Variants in EIF3A observed in about 807,000 individuals in gnomAD.
The protein encoded by EIF3A is EIF3, p180 subunit.
EIF3A carries 21 observed loss-of-function variants against 186.6 expected under a neutral mutation model. The observed-to-expected ratio is 0.11, with a 90% CI of 0.08 to 0.16. EIF3A has a LOEUF of 0.16. Among genes scored for constraint, EIF3A ranks in the 10% least tolerant of loss-of-function variants. The pLI is 1.00. For synonymous variants in EIF3A, 563 were observed against 584.3 expected, an observed-to-expected ratio of 0.96 and a Z score of 0.52; for missense variants, 1,306 against 1,796.3, an observed-to-expected ratio of 0.73 and a Z score of 4.93.
At chr10:119,056,693 G>C in intron 14 of EIF3A, 47 bp downstream of exon 14, 1 of 1,247,670 alleles carries the variant, frequency 8.0e-7, no homozygotes, top group Non-Finnish European at 1.2e-6. Context: ...TACTGGCAGA[G>C]GATTTTATTA....
chr10:119,042,184 C>T lies in EIF3A; in HGVS notation c.3336G>A (p.Gly1112=). ...TCCAAGGTCCTCGATCATCATCCAA[C>T]CCTCGCCTGGGACCCCGGTCATCAT... is the stretch of plus-strand genomic sequence containing the variant. The part of the protein sequence containing the change: ...GMDDDRGPRR[G]LDDDRGPWRN... The change falls in exon 19 of 22, where the codon GGG becomes GGA. Residue 1112 remains glycine, a synonymous_variant. Coordinates refer to ENST00000369144, the MANE Select transcript of EIF3A (RefSeq NM_003750.4). This position sits in a 1 kb window ranked among gnomAD's most constrained non-coding sequence, Gnocchi z 7.8. The T allele has an allele frequency of 6.2e-7, 1 of 1,613,322 alleles. No individual in the cohort carries two copies. The highest frequency in any genetic ancestry group is 8.5e-7 in the Non-Finnish European group (1 of 1,179,770).
chr10:119,061,012 C>G (rs35471297), intron 8 of EIF3A, 168 bp from the exon 9 acceptor site: 1 of 595,606 alleles, frequency 1.7e-6, no homozygotes, highest in Non-Finnish European at 2.9e-6. Flanking sequence ...GCAGCAATGG[C>G]TAAATTAGTC....
chr10:119,064,452 C>G (rs1843938978), intron 7 of EIF3A, among the ~76,000 whole-genome samples: 1 of 152,126 alleles, frequency 6.6e-6, no homozygotes, highest in African/African-American at 2.4e-5. Context: ...TTAGCACCAT[C>G]CCCGTAGGCC....
intron 6 of EIF3A, 89 bp from the exon 7 acceptor site, chr10:119,065,659 G>T: frequency 1.1e-6 from 1 of 915,348 alleles, no homozygotes; most frequent in Non-Finnish European, 1.7e-6. Context: ...ACGGTAAGGC[G>T]TGCTAGTGAC....
Position 119,042,136 on chromosome 10 carries a change from A to C in EIF3A, c.3384T>G (p.Ile1128Met), listed in dbSNP as rs1188622119. The change falls in exon 19 of 22, where the codon ATT becomes ATG. Residue 1128 changes from isoleucine (I) to methionine (M), a missense_variant. Physicochemically the swap from Ile to Met is conservative, Grantham distance 10. Coordinates refer to ENST00000369144, the MANE Select transcript of EIF3A (RefSeq NM_003750.4). This position sits in a 1 kb window ranked among gnomAD's most constrained non-coding sequence, Gnocchi z 7.8. ...GPWRNADDDR[I>M]PRRGAEDDRG... Reference sequence around the variant, plus strand: ...TGTCATCCTCTGCACCACGCCTGGGAATTCTGTCATCATCGGCGTTCCTCC... The same window carrying C: ...TGTCATCCTCTGCACCACGCCTGGGCATTCTGTCATCATCGGCGTTCCTCC... 6.2e-7 allele frequency: 1 copy of C among 1,614,054 alleles called. No homozygotes were observed. The highest frequency in any genetic ancestry group is 1.3e-5 in the African/African-American group (1 of 74,994).
At chr10:119,050,073 G>A (rs1848335995) in intron 16 of EIF3A, 88 bp from the exon 17 acceptor site, 2 of 1,247,452 alleles carry the variant, frequency 1.6e-6, no homozygotes, top group African/African-American at 3.0e-5. Flanking sequence ...TAAACAGGTA[G>A]CATAATGTAC....
In EIF3A at chr10:119,038,365, G is replaced by A. The variant is rs773874233; in HGVS notation, c.3601C>T (p.Arg1201Cys). The A allele has an allele frequency of 3.2e-5, 51 of 1,613,626 alleles. No individual in the cohort carries two copies. The highest frequency in any genetic ancestry group is 3.9e-5 in the Non-Finnish European group (46 of 1,179,982). Residue 1201 changes from arginine (R) to cysteine (C), a missense_variant, in exon 20 of 22, where the codon CGT becomes TGT. Around this residue, in one of 8 missense-constraint regions of EIF3A, gnomAD observed 331 missense variants for 365.8 expected, o/e 0.90. Transcript: ENST00000369144. The stretch of plus-strand genomic sequence containing the variant: ...CTTTCTTTTTCTCTGTCCCATTCAC[G>A]TTCTTCTGATGGCCTTGATTCTCGA... The part of the protein sequence containing the change: ...PPRESRPSEE[R>C]EWDREKERDR...
At chr10:119,043,661 TG>T (rs1363435634) in intron 18 of EIF3A, among the ~76,000 whole-genome samples, 1 of 151,922 alleles carries the variant, frequency 6.6e-6, no homozygotes, top group Non-Finnish European at 1.5e-5. Flanking sequence ...GGCTCATGCC[TG>T]TCATCCCAGC....
At chr10:119,061,492 T>C (rs921002550) in intron 7 of EIF3A, among the ~76,000 whole-genome samples, 164 bp from the exon 8 acceptor site, 2 of 152,038 alleles carry the variant, frequency 1.3e-5, no homozygotes, top group Non-Finnish European at 2.9e-5. Flanking sequence ...AGTACAACTA[T>C]GCTGGGTCTT....
chr10:119,059,027 A>G (rs1564754905), intron 11 of EIF3A, among the ~76,000 whole-genome samples, 185 bp downstream of exon 11: 1 of 152,260 alleles, frequency 6.6e-6, no homozygotes, highest in Non-Finnish European at 1.5e-5. Context: ...ATTTTGTTCA[A>G]TGGAAGAAAG....
Position 119,035,933 on chromosome 10 carries a change from A to T in EIF3A, c.*106T>A. The T allele has an allele frequency of 1.2e-6, 1 of 818,658 alleles. No individual in the cohort carries two copies. The highest frequency in any genetic ancestry group is 1.6e-5 in the South Asian group (1 of 61,532). The allele number at this position is 818,658 out of a possible 1,614,324, so 50.7% of individuals were successfully genotyped here. A position where few individuals can be genotyped will look rare whatever the true frequency, so the allele number is the denominator to read the frequency against. ...TTCATGCTTTTTGTGTTATGGTGAA[A>T]CAACATTAAAGAATCCAATTTAGAT... On this transcript the variant is annotated 3_prime_UTR_variant, in exon 22 of 22. Transcript: ENST00000369144.
intron 1 of EIF3A, chr10:119,080,235 C>T (rs1844241343): frequency 2.4e-6 from 2 of 848,804 alleles, no homozygotes; most frequent in South Asian, 1.1e-4. Context: ...TCTTACTCCC[C>T]GGCACTCCCA....
At chr10:119,037,082 A>G (rs1196439621) in intron 21 of EIF3A, 37 bp downstream of exon 21, 2 of 379,912 alleles carry the variant, frequency 5.3e-6, no homozygotes, top group Non-Finnish European at 1.0e-5. Context: ...CAGAAACGAC[A>G]GTTCTCCAAT....
intron 17 of EIF3A, among the ~76,000 whole-genome samples, 158 bp downstream of exon 17, chr10:119,049,643 T>C (rs941906407): frequency 1.3e-5 from 2 of 151,348 alleles, no homozygotes; most frequent in African/African-American, 4.9e-5. Context: ...TCTCAGCTAC[T>C]CAGGAGGCTG....
rs1292818120 is a variant in EIF3A at position 119,051,193 on chromosome 10, G to C, written c.2319+6C>G. 1 of 1,595,650 alleles carries C rather than the reference G, an allele frequency of 6.3e-7. No homozygotes were observed. The highest frequency in any genetic ancestry group is 2.3e-5 in the East Asian group (1 of 44,434). The stretch of plus-strand genomic sequence containing the variant: ...ATAAACATTTCCCAAAAATCAGCAA[G>C]CTCACCTCATAAACAGACTGCCGTG... On this transcript the variant is annotated splice_donor_region_variant and intron_variant, in intron 15 of 21. Transcript: ENST00000369144.
chr10:119,064,900 G>A (rs1020631109), intron 7 of EIF3A, among the ~76,000 whole-genome samples: 9 of 152,026 alleles, frequency 5.9e-5, no homozygotes, highest in African/African-American at 4.8e-5. Context: ...AGGAGAGACC[G>A]GGTTTCGCCA....
chr10:119,045,895 G>A (rs1848277145), intron 17 of EIF3A, among the ~76,000 whole-genome samples: 1 of 152,186 alleles, frequency 6.6e-6, no homozygotes, highest in South Asian at 2.1e-4. Flanking sequence ...AATGGCCCTG[G>A]CTGATGAGCA....
At chr10:119,055,068 C>T (rs1022713599) in intron 14 of EIF3A, among the ~76,000 whole-genome samples, 22 of 151,992 alleles carry the variant, frequency 1.4e-4, no homozygotes, top group East Asian at 1.9e-4. Context: ...ACTAGCCGGG[C>T]ATGGTGGCAG....
intron 19 of EIF3A, among the ~76,000 whole-genome samples, 190 bp downstream of exon 19, chr10:119,041,804 G>C (rs772611797): frequency 1.3e-5 from 2 of 152,128 alleles, no homozygotes; most frequent in Non-Finnish European, 1.5e-5. Context: ...AGAGGGGTTG[G>C]GTTATTTATG....
Sources: gnomAD v4.1 joint callset for allele counts (sites outside exome capture counted in the v4.1 genomes callset) on GRCh38, gnomAD v4.1.1 for gene constraint, gnomAD v4.1.1 regional missense constraint, Gnocchi (gnomAD v3.1) non-coding constraint, MANE v1.5 for transcripts, NCBI Gene and HGNC (gene_info 2026-07-23, HGNC 2026-07-21) for gene names.